Variants in FBXW8 observed in about 807,000 individuals in gnomAD.
FBXW8 encodes F-box/WD repeat-containing protein 8.
A neutral mutation model predicts 65.3 loss-of-function variants in FBXW8; 57 were observed. That is an observed-to-expected ratio of 0.87 (90% CI 0.71 to 1.09). The LOEUF is 1.09. Among genes scored for constraint, FBXW8 ranks in the 50% least tolerant of loss-of-function variants. The probability of loss-of-function intolerance (pLI) is 0.00; values close to 1 mark genes in which losing one functional copy is unlikely to be tolerated. For synonymous variants in FBXW8, 308 were observed against 330.2 expected (o/e 0.93, Z 0.73); for missense variants, 777 against 814.8 (o/e 0.95, Z 0.57).
chr12:117,012,184 C>T (rs1953836389), intron 8 of FBXW8, among the ~76,000 whole-genome samples: 1 of 141,780 alleles, frequency 7.1e-6, no homozygotes, highest in Admixed American at 6.8e-5. Flanking sequence ...ATTATGTACG[C>T]ACTGCCAGGG....
chr12:116,919,281 A>C lies in FBXW8; in HGVS notation c.318+7926A>C, dbSNP rs1199913497. 3.3e-5 allele frequency among the ~76,000 whole-genome samples: 5 copies of C among 152,210 alleles called. No individual in the cohort carries two copies. In the East Asian group the frequency reaches 7.7e-4, roughly 23 times the overall value. On this transcript the variant is annotated intron_variant, in intron 1 of 10. Transcript: ENST00000652555. Reference sequence around the variant, plus strand: ...TGTTTCTTTTAACTAAAAGAATGACATTAATGGAGTCAGGACAGTCTTGGC... The same window carrying C: ...TGTTTCTTTTAACTAAAAGAATGACCTTAATGGAGTCAGGACAGTCTTGGC...
In FBXW8 at chr12:116,961,264, G is replaced by A. The variant is rs900621326; in HGVS notation, c.678-3433G>A. Among the ~76,000 whole-genome samples the A allele has an allele frequency of 1.3e-5, 2 of 152,188 alleles. No individual in the cohort carries two copies. Among genetic ancestry groups the A allele is most frequent in the African/African-American group, 4.8e-5 (2 of 41,436 alleles). On this transcript the variant is annotated intron_variant, in intron 4 of 10. Transcript: ENST00000652555. The surrounding 1 kb of genome is among the most constrained non-coding windows in gnomAD (Gnocchi z 4.4). ...GCCCCTGCCCTCAGCCTCCCAAAGT[G>A]CTGGGATTACAGGCATGAGCCACCG...
At chr12:116,954,605 A>G (rs372954122) in intron 4 of FBXW8, among the ~76,000 whole-genome samples, 2 of 152,374 alleles carry the variant, frequency 1.3e-5, no homozygotes, top group East Asian at 3.8e-4. Context: ...ATAAGTATAT[A>G]AAATAAAGAG....
At chr12:117,021,561 T>G (rs1323964214) in intron 8 of FBXW8, among the ~76,000 whole-genome samples, 2 of 152,122 alleles carry the variant, frequency 1.3e-5, no homozygotes, top group African/African-American at 4.8e-5. Context: ...TTGATAGAGC[T>G]CCAAGTTGAG....
intron 7 of FBXW8, among the ~76,000 whole-genome samples, chr12:117,008,958 T>C (rs1483089666): frequency 1.3e-5 from 2 of 152,152 alleles, no homozygotes; most frequent in African/African-American, 4.8e-5. Flanking sequence ...TCCCACCTAC[T>C]CAGGAGGCTG....
At chr12:116,958,717 G>C (rs1171720452) in intron 4 of FBXW8, among the ~76,000 whole-genome samples, 2 of 152,180 alleles carry the variant, frequency 1.3e-5, no homozygotes, top group Admixed American at 1.3e-4. Flanking sequence ...CTTCCTGCTG[G>C]GAAATGACTT....
intron 5 of FBXW8, among the ~76,000 whole-genome samples, chr12:116,973,128 C>T (rs1884732764): frequency 5.9e-5 from 9 of 151,990 alleles, no homozygotes; most frequent in Admixed American, 5.9e-4. Flanking sequence ...GGTTACAACC[C>T]ATTGAATAAA....
chr12:116,979,793 A>C lies in FBXW8; in HGVS notation c.836-5413A>C, dbSNP rs548439295. 1.0e-3 allele frequency among the ~76,000 whole-genome samples: 152 copies of C among 152,004 alleles called. 1 individual carries two copies. Among genetic ancestry groups the C allele is most frequent in the African/African-American group, 3.5e-3 (146 of 41,424 alleles). On this transcript the variant is annotated intron_variant, in intron 5 of 10. Coordinates refer to ENST00000652555, the MANE Select transcript of FBXW8 (RefSeq NM_153348.3). ...AGGGAATGGCAAAAAAAAAAAAAAA[A>C]AAACACTTGCTTCTTATGCCACTGC...
rs569143567 is a variant in FBXW8, at chr12:116,939,466, T to C, written c.424-5898T>C. ...TTAAAGCAGTGTTTCCTAAGCTCAT[T>C]TGAGCGTGGAATCCTTTTCTAAGGA... On this transcript the variant is annotated intron_variant, in intron 2 of 10. Coordinates refer to ENST00000652555, the MANE Select transcript of FBXW8 (RefSeq NM_153348.3). Among the ~76,000 whole-genome samples, 12 of 152,348 alleles carry C rather than the reference T, an allele frequency of 7.9e-5. No homozygotes were observed. In the South Asian group the frequency reaches 2.3e-3, roughly 29 times the overall value.
intron 5 of FBXW8, among the ~76,000 whole-genome samples, chr12:116,974,138 C>T (rs536885472): frequency 1.4e-4 from 21 of 152,314 alleles, no homozygotes; most frequent in Admixed American, 7.2e-4. Flanking sequence ...CCAGTGAGGG[C>T]TCAGGGAAGC....
intron 7 of FBXW8, among the ~76,000 whole-genome samples, chr12:116,989,264 C>G (rs1355370047): frequency 6.6e-6 from 1 of 152,218 alleles, no homozygotes; most frequent in Non-Finnish European, 1.5e-5. Flanking sequence ...ACCAAGCTCT[C>G]CCTCTCTAGG....
chr12:116,935,426 C>G (rs1882085273), intron 2 of FBXW8, among the ~76,000 whole-genome samples: 1 of 152,184 alleles, frequency 6.6e-6, no homozygotes, highest in Admixed American at 6.5e-5. Context: ...ATTTTCCTGG[C>G]AAAAGTGATT....
At chr12:116,912,837 C>A (rs1880101537) in intron 1 of FBXW8, among the ~76,000 whole-genome samples, 1 of 152,186 alleles carries the variant, frequency 6.6e-6, no homozygotes, top group South Asian at 2.1e-4. Context: ...GTAGTTTACT[C>A]AAATAGCATT....
At chr12:117,021,567 T>C (rs1954098361) in intron 8 of FBXW8, among the ~76,000 whole-genome samples, 2 of 151,922 alleles carry the variant, frequency 1.3e-5, no homozygotes, top group South Asian at 4.1e-4. Flanking sequence ...GAGCTCCAAG[T>C]TGAGAAAATT....
intron 6 of FBXW8, among the ~76,000 whole-genome samples, chr12:116,988,279 TC>T (rs1953147998): frequency 6.6e-6 from 1 of 152,198 alleles, no homozygotes; most frequent in Admixed American, 6.5e-5. Flanking sequence ...TAGCCAAAGT[TC>T]CCTTGATACA....
chr12:116,943,631 A>G (rs1882748235), intron 2 of FBXW8, among the ~76,000 whole-genome samples: 1 of 152,136 alleles, frequency 6.6e-6, no homozygotes. Flanking sequence ...GCTTGTGCAG[A>G]GCCTCAGGGT....
chr12:116,948,179 A>T (rs1302026591), intron 3 of FBXW8, among the ~76,000 whole-genome samples: 1 of 152,178 alleles, frequency 6.6e-6, no homozygotes, highest in Non-Finnish European at 1.5e-5. Context: ...TGCTAAACTA[A>T]TTGTGGTGGC....
At chr12:116,933,678 C>CT (rs775962069) in intron 2 of FBXW8, among the ~76,000 whole-genome samples, 6 of 152,196 alleles carry the variant, frequency 3.9e-5, no homozygotes, top group Admixed American at 2.6e-4. Flanking sequence ...CGTACAGTGA[C>CT]TAAGTTAGCT....
At chr12:116,987,501 G>C (rs916683078) in intron 6 of FBXW8, among the ~76,000 whole-genome samples, 2 of 152,294 alleles carry the variant, frequency 1.3e-5, no homozygotes, top group Non-Finnish European at 2.9e-5. Flanking sequence ...ACTGGGGAGC[G>C]GGGTGGGTAG....
Sources: gnomAD v4.1 joint callset for allele counts (sites outside exome capture counted in the v4.1 genomes callset) on GRCh38, gnomAD v4.1.1 for gene constraint, Gnocchi (gnomAD v3.1) non-coding constraint, MANE v1.5 for transcripts, NCBI Gene and HGNC (gene_info 2026-07-23, HGNC 2026-07-21) for gene names.